FOCAD: variants seen among roughly 807,000 people sequenced by gnomAD.
The protein encoded by FOCAD is focadhesin.
FOCAD carries 198 observed loss-of-function variants against 225.6 expected under a neutral mutation model. The ratio of observed to expected loss-of-function variants is 0.88; its 90% CI spans 0.78 to 0.99. The LOEUF is 0.99. Among genes scored for constraint, FOCAD ranks in the 50% least tolerant of loss-of-function variants. The pLI is 0.00. For missense variants in FOCAD, 2,713 were observed against 2,123.6 expected (o/e 1.28, Z -5.46); for synonymous variants, 897 against 755.0 (o/e 1.19, Z -3.08).
chr9:20,800,660 T>G (rs1821705984), intron 11 of FOCAD, among the ~76,000 whole-genome samples: 1 of 152,204 alleles, frequency 6.6e-6, no homozygotes, highest in South Asian at 2.1e-4. Flanking sequence ...GGCTTGTGCA[T>G]TCGTCAAATA....
chr9:20,960,928 C>CT (rs1343048837), intron 35 of FOCAD, among the ~76,000 whole-genome samples: 1 of 152,040 alleles, frequency 6.6e-6, no homozygotes, highest in Non-Finnish European at 1.5e-5. Flanking sequence ...TGAACTCATC[C>CT]TTTTTTATGG....
At chr9:20,852,800 T>G (rs547011678) in intron 15 of FOCAD, among the ~76,000 whole-genome samples, 1 of 151,874 alleles carries the variant, frequency 6.6e-6, no homozygotes, top group Admixed American at 6.6e-5. Flanking sequence ...TTTTAACATT[T>G]AGATGGATGA....
At chr9:20,974,965 C>T (rs1240729938) in intron 35 of FOCAD, among the ~76,000 whole-genome samples, 1 of 152,056 alleles carries the variant, frequency 6.6e-6, no homozygotes, top group Non-Finnish European at 1.5e-5. Context: ...GCTGTTTTTC[C>T]TTTTGCTGAC....
In FOCAD at chr9:20,692,071, A is replaced by G. The variant is rs529099412; in HGVS notation, c.-33+7778A>G. On this transcript the variant is annotated intron_variant, in intron 1 of 43. Transcript: ENST00000338382. ...GGCCTAAGTATTAGCTTTAAATACT[A>G]GTAATACCCTACTAGCTTCCAAATT... Among the ~76,000 whole-genome samples, 15 of 152,302 alleles carry G rather than the reference A, an allele frequency of 9.8e-5. No homozygotes were observed. The South Asian group carries it at 3.1e-3, about 32-fold the overall frequency.
At chr9:20,837,388 A>G (rs556708596) in intron 15 of FOCAD, among the ~76,000 whole-genome samples, 1 of 152,210 alleles carries the variant, frequency 6.6e-6, no homozygotes, top group South Asian at 2.1e-4. Context: ...GCCAGTTAAC[A>G]TCAGAGGAGC....
intron 25 of FOCAD, among the ~76,000 whole-genome samples, chr9:20,924,902 T>G (rs1397556970): frequency 6.6e-6 from 1 of 152,176 alleles, no homozygotes; most frequent in Non-Finnish European, 1.5e-5. Context: ...CACTTAAAAT[T>G]CAGAGTCCTT....
intron 4 of FOCAD, among the ~76,000 whole-genome samples, chr9:20,738,265 G>T (rs899350089): frequency 2.0e-5 from 3 of 152,220 alleles, no homozygotes; most frequent in African/African-American, 7.2e-5. Context: ...AGGTCCTCAA[G>T]GAGATGCCAT....
rs1179837131 is a variant in FOCAD, at chr9:20,944,707, C to T, written c.3488C>T (p.Ala1163Val). 11 of 1,613,968 alleles carry T rather than the reference C, an allele frequency of 6.8e-6. No individual in the cohort carries two copies. The highest frequency in any genetic ancestry group is 1.6e-4 in the Middle Eastern group (1 of 6,084). The change falls in exon 29 of 44, where the codon GCA (alanine) becomes GTA (valine). Residue 1163 changes from alanine (A) to valine (V), a missense_variant. Ala to Val is a moderately conservative substitution (Grantham distance 64). Coordinates refer to ENST00000338382, the MANE Select transcript of FOCAD (RefSeq NM_001375567.1). ...CAAATGCAGTCCCGCGTTCACGTAG[C>T]AGCATTGCTCCGGAAGCTGTCTGCG... is the stretch of plus-strand genomic sequence containing the variant. The part of the protein sequence containing the change: ...SSQMQSRVHV[A>V]ALLRKLSAHV...
At chr9:20,785,804 A>G (rs768046816) in intron 10 of FOCAD, among the ~76,000 whole-genome samples, 7 of 152,142 alleles carry the variant, frequency 4.6e-5, no homozygotes, top group African/African-American at 1.7e-4. Flanking sequence ...TGATAACTCT[A>G]TGTTTCACAG....
chr9:20,879,540 G>T (rs1482688335), intron 19 of FOCAD, among the ~76,000 whole-genome samples: 3 of 152,022 alleles, frequency 2.0e-5, no homozygotes, highest in Non-Finnish European at 2.9e-5. Flanking sequence ...GCATTCCATT[G>T]TGTGAATGTA....
At chr9:20,868,826 AAG>A (rs1456876508) in intron 18 of FOCAD, among the ~76,000 whole-genome samples, 1 of 152,086 alleles carries the variant, frequency 6.6e-6, no homozygotes, top group Admixed American at 6.6e-5. Flanking sequence ...AGTGGTTTGA[AAG>A]AGTCTTCCTC....
At chr9:20,692,705 C>G (rs77847803) in intron 1 of FOCAD, among the ~76,000 whole-genome samples, 31 of 152,076 alleles carry the variant, frequency 2.0e-4, no homozygotes, top group Non-Finnish European at 4.0e-4. Flanking sequence ...TGTTTCTTTA[C>G]GTAGTGGTGT....
chr9:20,981,072 T>A (rs1039457680), intron 37 of FOCAD, among the ~76,000 whole-genome samples: 1 of 152,238 alleles, frequency 6.6e-6, no homozygotes, highest in Non-Finnish European at 1.5e-5. Context: ...TGCCAGAGAA[T>A]GTGACCTTTT....
At chr9:20,830,625 T>C (rs552962240) in intron 15 of FOCAD, among the ~76,000 whole-genome samples, 3 of 152,094 alleles carry the variant, frequency 2.0e-5, no homozygotes, top group Non-Finnish European at 4.4e-5. Flanking sequence ...AATGAAAATA[T>C]TAGTAATCAA....
intron 42 of FOCAD, among the ~76,000 whole-genome samples, chr9:20,991,441 T>TA: frequency 6.6e-6 from 1 of 152,302 alleles, no homozygotes; most frequent in African/African-American, 2.4e-5. Flanking sequence ...GTATCTCAAC[T>TA]AAAATGCCTT....
At chr9:20,780,501 CTG>C (rs1350506957) in intron 9 of FOCAD, among the ~76,000 whole-genome samples, 2 of 152,264 alleles carry the variant, frequency 1.3e-5, no homozygotes, top group South Asian at 2.1e-4. Flanking sequence ...AGTGAATAAA[CTG>C]TACTGAACAC....
At chr9:20,840,242 C>T (rs547919468) in intron 15 of FOCAD, among the ~76,000 whole-genome samples, 1 of 152,024 alleles carries the variant, frequency 6.6e-6, no homozygotes, top group South Asian at 2.1e-4. Context: ...TTATAGATTT[C>T]TTTAAATAAT....
intron 28 of FOCAD, among the ~76,000 whole-genome samples, chr9:20,942,187 C>T (rs542498758): frequency 1.1e-4 from 16 of 152,112 alleles, no homozygotes; most frequent in Non-Finnish European, 2.1e-4. Context: ...AATAGAATCG[C>T]TAGTGAATTA....
intron 15 of FOCAD, among the ~76,000 whole-genome samples, chr9:20,850,139 C>T (rs1461212665): frequency 1.3e-5 from 2 of 151,414 alleles, no homozygotes; most frequent in African/African-American, 4.8e-5. Flanking sequence ...GTCTTATGGT[C>T]ATAAGAAATA....
Sources: allele counts gnomAD v4.1 joint callset (sites outside exome capture counted in the v4.1 genomes callset), GRCh38; gene constraint gnomAD v4.1.1; transcripts MANE v1.5; gene names NCBI Gene and HGNC (gene_info 2026-07-23, HGNC 2026-07-21).